The following DEFB110 variants were observed in gnomAD, a reference collection of about 807,000 sequenced individuals.
The protein encoded by DEFB110 is beta-defensin 110.
A neutral mutation model predicts 2.5 loss-of-function variants in DEFB110; 4 were observed. That is an observed-to-expected ratio of 1.60 (90% CI 0.79 to 3.66). The LOEUF (loss-of-function observed/expected upper bound fraction) is 3.66. DEFB110 is among the 30% of genes most tolerant of loss of function. The pLI is 0.01. For synonymous variants in DEFB110, 29 were observed against 21.8 expected (o/e 1.33, Z -0.92); for missense variants, 94 against 75.4 (o/e 1.25, Z -0.91).
intron 1 of DEFB110, among the ~76,000 whole-genome samples, chr6:50,009,708 A>G (rs1774195021): frequency 6.6e-6 from 1 of 152,176 alleles, no homozygotes; most frequent in Non-Finnish European, 1.5e-5. Context: ...AATAGTAATC[A>G]TAGAGAAACT....
chr6:50,010,299 C>A (rs1336358743), intron 1 of DEFB110, among the ~76,000 whole-genome samples: 1 of 151,702 alleles, frequency 6.6e-6, no homozygotes, highest in African/African-American at 2.4e-5. Context: ...GTTAATAGAA[C>A]CTAATTGTCT....
At chr6:50,010,426 G>A (rs575469479) in intron 1 of DEFB110, among the ~76,000 whole-genome samples, 16 of 151,646 alleles carry the variant, frequency 1.1e-4, no homozygotes, top group Non-Finnish European at 2.1e-4. Context: ...AAAAACTAGA[G>A]AAGATCTCTA....
chr6:50,021,350 T>C (rs1163198740), intron 1 of DEFB110, among the ~76,000 whole-genome samples: 4 of 152,154 alleles, frequency 2.6e-5, no homozygotes, highest in Admixed American at 2.0e-4. Context: ...TTGCCTGATG[T>C]TCCCTTGAGC....
At chr6:50,015,713 T>C (rs1398239915), downstream of DEFB110, among the ~76,000 whole-genome samples, 1 of 151,852 alleles carries the variant, frequency 6.6e-6, no homozygotes, top group Admixed American at 6.6e-5. Flanking sequence ...CACTATACTA[T>C]GAGCTCCATA....
intron 1 of DEFB110, among the ~76,000 whole-genome samples, chr6:50,009,594 G>T (rs1468214689): frequency 6.6e-6 from 1 of 152,082 alleles, no homozygotes; most frequent in Non-Finnish European, 1.5e-5. Context: ...TCAGACATTT[G>T]TTGTGATACT....
intron 1 of DEFB110, among the ~76,000 whole-genome samples, chr6:50,010,117 TTC>T (rs1774202454): frequency 2.0e-5 from 3 of 152,068 alleles, no homozygotes; most frequent in African/African-American, 7.2e-5. Flanking sequence ...TGGTCAGTCA[TTC>T]TACCTATCTG....
downstream of DEFB110, among the ~76,000 whole-genome samples, chr6:50,017,475 A>G (rs75222125): frequency 8.5e-3 from 1,285 of 151,988 alleles, 63 homozygotes; most frequent in East Asian, 0.12. Flanking sequence ...GATTATCACA[A>G]TTGGGAGAAA....
chr6:50,012,104 TC>T (rs1774237623), intron 1 of DEFB110, among the ~76,000 whole-genome samples: 1 of 152,032 alleles, frequency 6.6e-6, no homozygotes, highest in Admixed American at 6.6e-5. Context: ...GTCAGGTTAT[TC>T]TCATTTCCTT....
At chr6:50,010,630 TA>T (rs577596347) in intron 1 of DEFB110, among the ~76,000 whole-genome samples, 135 of 149,678 alleles carry the variant, frequency 9.0e-4, no homozygotes, top group Middle Eastern at 7.0e-3. Flanking sequence ...TGTATATATA[TA>T]TTTTTTTAGT....
At chr6:50,017,946 G>T (rs1239113456), downstream of DEFB110, among the ~76,000 whole-genome samples, 3 of 151,742 alleles carry the variant, frequency 2.0e-5, no homozygotes, top group Non-Finnish European at 2.9e-5. Context: ...CAAAATATTG[G>T]TTAATTTTAT....
downstream of DEFB110, among the ~76,000 whole-genome samples, chr6:50,015,998 A>T (rs1774309796): frequency 6.6e-6 from 1 of 151,830 alleles, no homozygotes; most frequent in South Asian, 2.1e-4. Context: ...TTAAGCCAGG[A>T]GCTATAATTT....
chr6:50,009,914 T>C (rs1774199227), intron 1 of DEFB110, among the ~76,000 whole-genome samples: 2 of 152,118 alleles, frequency 1.3e-5, no homozygotes, highest in South Asian at 4.1e-4. Flanking sequence ...AAAGATGTTC[T>C]GAGATTCCAA....
chr6:50,021,649 G>A (rs911462484), intron 1 of DEFB110, among the ~76,000 whole-genome samples: 7 of 152,140 alleles, frequency 4.6e-5, no homozygotes, highest in African/African-American at 1.7e-4. Context: ...TAATGTTGAT[G>A]TAATAGTATT....
intron 1 of DEFB110, among the ~76,000 whole-genome samples, chr6:50,020,242 G>A (rs1774395592): frequency 6.6e-6 from 1 of 151,888 alleles, no homozygotes; most frequent in Admixed American, 6.6e-5. Context: ...CTTAAAGATG[G>A]ACTCTCACTA....
downstream of DEFB110, among the ~76,000 whole-genome samples, chr6:50,014,013 CTT>C (rs1774274023): frequency 6.6e-6 from 1 of 151,606 alleles, no homozygotes; most frequent in Non-Finnish European, 1.5e-5. Flanking sequence ...GAGAAAAAGA[CTT>C]GATAGGAGAA....
intron 1 of DEFB110, among the ~76,000 whole-genome samples, chr6:50,010,135 T>C (rs892036242): frequency 3.9e-5 from 6 of 152,038 alleles, no homozygotes; most frequent in Non-Finnish European, 8.8e-5. Context: ...ATCTGGATGA[T>C]ATAATATAAT....
chr6:50,012,922 C>A (rs939857567), intron 1 of DEFB110, among the ~76,000 whole-genome samples: 7 of 151,722 alleles, frequency 4.6e-5, no homozygotes, highest in Non-Finnish European at 1.0e-4. Context: ...AAAGGCAATT[C>A]TGAGATATAA....
downstream of DEFB110, among the ~76,000 whole-genome samples, chr6:50,017,239 C>G (rs560621332): frequency 1.3e-5 from 2 of 151,834 alleles, no homozygotes; most frequent in African/African-American, 4.8e-5. Context: ...TCACATCTAG[C>G]CCATATGTAA....
intron 1 of DEFB110, among the ~76,000 whole-genome samples, chr6:50,010,882 T>A (rs1774215357): frequency 6.6e-6 from 1 of 151,646 alleles, no homozygotes; most frequent in Non-Finnish European, 1.5e-5. Flanking sequence ...TTAAGATATA[T>A]TCAAATTAGA....
Sources: gnomAD v4.1 joint callset for allele counts (sites outside exome capture counted in the v4.1 genomes callset) on GRCh38, gnomAD v4.1.1 for gene constraint, MANE v1.5 for transcripts, NCBI Gene and HGNC (gene_info 2026-07-23, HGNC 2026-07-21) for gene names.